UBE3D: variants seen among roughly 807,000 people sequenced by gnomAD.
UBE3D encodes E3 ubiquitin-protein ligase E3D.
UBE3D carries 48 observed loss-of-function variants against 49.6 expected under a neutral mutation model. The observed-to-expected ratio is 0.97, with a 90% CI of 0.77 to 1.23. The LOEUF is 1.23. Among genes scored for constraint, UBE3D ranks in the 50% most tolerant of loss-of-function variants. The pLI, the probability that UBE3D is intolerant of heterozygous loss-of-function variation, is 0.00. For synonymous variants in UBE3D, 189 were observed against 174.2 expected (o/e 1.08, Z -0.67); for missense variants, 452 against 468.4 (o/e 0.96, Z 0.32).
chr6:82,967,140 C>T (rs143439759), intron 8 of UBE3D, among the ~76,000 whole-genome samples: 1 of 152,222 alleles, frequency 6.6e-6, no homozygotes, highest in African/African-American at 2.4e-5. Flanking sequence ...ATATTTAAAC[C>T]ATTTCTTCCC....
chr6:83,021,848 G>A (rs1243841338), intron 7 of UBE3D, among the ~76,000 whole-genome samples: 2 of 151,276 alleles, frequency 1.3e-5, no homozygotes, highest in African/African-American at 4.9e-5. Context: ...CAGTCTGAGC[G>A]ACAGAGTGAT....
intron 8 of UBE3D, among the ~76,000 whole-genome samples, chr6:82,994,148 A>C (rs1235254147): frequency 1.3e-5 from 2 of 152,204 alleles, no homozygotes; most frequent in Non-Finnish European, 2.9e-5. Flanking sequence ...TGTAAGAAAT[A>C]ATTTATTAGC....
chr6:82,988,336 G>T (rs1778663203), intron 8 of UBE3D, among the ~76,000 whole-genome samples: 2 of 151,934 alleles, frequency 1.3e-5, no homozygotes, highest in African/African-American at 4.8e-5. Context: ...CATTGTTCTG[G>T]AACTTTTCTG....
At chr6:82,930,813 T>C (rs1266535356) in intron 9 of UBE3D, among the ~76,000 whole-genome samples, 1 of 152,154 alleles carries the variant, frequency 6.6e-6, no homozygotes, top group African/African-American at 2.4e-5. Context: ...AGCCTGACAG[T>C]GCAGTATAAA....
intron 8 of UBE3D, among the ~76,000 whole-genome samples, chr6:83,001,974 C>G (rs1451420997): frequency 6.6e-6 from 1 of 151,910 alleles, no homozygotes; most frequent in East Asian, 1.9e-4. Flanking sequence ...CCAAAAAACC[C>G]TCTTGAGTAG....
chr6:83,035,569 A>T (rs542036309), intron 5 of UBE3D, among the ~76,000 whole-genome samples: 15 of 152,314 alleles, frequency 9.8e-5, no homozygotes, highest in Non-Finnish European at 1.8e-4. Flanking sequence ...GCTGTTAAGA[A>T]GTTCAATGCT....
chr6:82,984,795 A>G (rs1429234897), intron 8 of UBE3D, among the ~76,000 whole-genome samples: 1 of 151,924 alleles, frequency 6.6e-6, no homozygotes, highest in East Asian at 1.9e-4. Flanking sequence ...TTTAAATTAT[A>G]AAGAGTTTTT....
In UBE3D at chr6:82,939,636, G is replaced by C. The variant is rs1022119566; in HGVS notation, c.1149+17676C>G. ...ATAGGCTTGCAGCCTAGGAGCAATG[G>C]GCCATACCACATAGCCTAGGTGTGT... On this transcript the variant is annotated intron_variant, in intron 9 of 9. Transcript: ENST00000369747. Among the ~76,000 whole-genome samples, 9 of 152,216 alleles carry C rather than the reference G, an allele frequency of 5.9e-5. No individual in the cohort carries two copies. In the East Asian group the frequency reaches 1.7e-3, roughly 29 times the overall value.
intron 9 of UBE3D, among the ~76,000 whole-genome samples, chr6:82,897,085 T>C (rs1488681145): frequency 6.6e-6 from 1 of 151,946 alleles, no homozygotes; most frequent in African/African-American, 2.4e-5. Context: ...ACTGGCTACA[T>C]AGAAAGGCTT....
intron 8 of UBE3D, among the ~76,000 whole-genome samples, chr6:82,981,123 T>C (rs1005577991): frequency 6.6e-6 from 1 of 152,104 alleles, no homozygotes; most frequent in African/African-American, 2.4e-5. Flanking sequence ...TAGGGTTTCA[T>C]TTTAAAAACA....
chr6:83,032,216 A>T (rs925166332), intron 5 of UBE3D: 1 of 456,270 alleles, frequency 2.2e-6, no homozygotes, highest in Non-Finnish European at 4.4e-6. Flanking sequence ...ACACCAGCCC[A>T]TGAAAGAAGC....
At chr6:83,044,334 G>T in intron 4 of UBE3D, 94 bp downstream of exon 4, 1 of 1,217,824 alleles carries the variant, frequency 8.2e-7, no homozygotes, top group Non-Finnish European at 1.2e-6. Flanking sequence ...CTTTACAGCA[G>T]TCTATGTAAC....
intron 8 of UBE3D, among the ~76,000 whole-genome samples, chr6:83,004,458 G>A (rs1285699238): frequency 1.3e-5 from 2 of 152,170 alleles, no homozygotes; most frequent in Non-Finnish European, 2.9e-5. Flanking sequence ...ATTGTAAAAT[G>A]TAAGACTTGA....
chr6:83,006,873 C>T (rs1036602201), intron 8 of UBE3D, among the ~76,000 whole-genome samples: 8 of 152,050 alleles, frequency 5.3e-5, no homozygotes, highest in African/African-American at 1.7e-4. Context: ...CCAAAATATA[C>T]ACTTAAAAAT....
In UBE3D at chr6:83,038,484, T is replaced by G; in HGVS notation, c.599A>C (p.Glu200Ala). ...CVSSDNHCKL[E>A]PKANTKVICK... is the part of the protein sequence containing the mutation. ...AATTACTTTGGTATTTGCCTTTGGTTCCTGTAGAACAGAAAAATGTCATTT... is the reference window on the plus strand; with the variant it reads ...AATTACTTTGGTATTTGCCTTTGGTGCCTGTAGAACAGAAAAATGTCATTT... The change falls in exon 5 of 10, where the codon GAA (glutamate) becomes GCA (alanine). Residue 200 changes from glutamate to alanine, a missense_variant and splice_region_variant. Coordinates refer to ENST00000369747, the MANE Select transcript of UBE3D (RefSeq NM_198920.3). 1 of 1,607,832 alleles carries G rather than the reference T, an allele frequency of 6.2e-7. No homozygotes were observed. The highest frequency in any genetic ancestry group is 8.5e-7 in the Non-Finnish European group (1 of 1,178,364).
At chr6:83,001,215 T>C (rs924490466) in intron 8 of UBE3D, among the ~76,000 whole-genome samples, 1 of 152,200 alleles carries the variant, frequency 6.6e-6, no homozygotes, top group Non-Finnish European at 1.5e-5. Flanking sequence ...CATAGCACCA[T>C]TTATCTCTTC....
rs1269415856 is a variant in UBE3D at position 82,985,015 on chromosome 6, T to C, written c.1011-27565A>G. 5.1e-4 allele frequency among the ~76,000 whole-genome samples: 70 copies of C among 137,334 alleles called. 1 individual carries two copies. Among genetic ancestry groups the C allele is most frequent in the African/African-American group, 1.8e-3 (69 of 37,632 alleles). The allele number at this position is 137,334 out of a possible 152,430, so 90.1% of individuals were successfully genotyped here. On this transcript the variant is annotated intron_variant, in intron 8 of 9. Coordinates refer to ENST00000369747, the MANE Select transcript of UBE3D (RefSeq NM_198920.3). ...TTCTTTCTTCTTCTTCTTCTTTTTT[T>C]TTTTTTTTTTTTTTTTTGGTAGAGA...
chr6:82,882,681 G>A, the UBE3D span, among the ~76,000 whole-genome samples: 3 of 152,186 alleles, frequency 2.0e-5, no homozygotes, highest in Non-Finnish European at 2.9e-5. Context: ...ATGTTTTTAA[G>A]TTATCTGAAA....
rs187499440 is a variant in UBE3D, at chr6:82,969,443, C to T, written c.1011-11993G>A. Among the ~76,000 whole-genome samples the T allele has an allele frequency of 1.6e-3, 250 of 152,100 alleles. 1 individual carries two copies. The highest frequency in any genetic ancestry group is 5.7e-3 in the African/African-American group (238 of 41,496). ...GCAACATAGTGAAATCCCGTCTTTA[C>T]TAAAAATACAAAAAAGTAGCCTGGC... On this transcript the variant is annotated intron_variant, in intron 8 of 9. Coordinates refer to ENST00000369747, the MANE Select transcript of UBE3D (RefSeq NM_198920.3).
Sources: gnomAD v4.1 joint callset for allele counts (sites outside exome capture counted in the v4.1 genomes callset) on GRCh38, gnomAD v4.1.1 for gene constraint, MANE v1.5 for transcripts, NCBI Gene and HGNC (gene_info 2026-07-23, HGNC 2026-07-21) for gene names.